Variants in EPHA3 observed in about 807,000 individuals in gnomAD.
EPHA3 encodes ephrin type-A receptor 3.
In EPHA3, 42 loss-of-function variants were observed where a neutral mutation model predicts 107.1. That is an observed-to-expected ratio of 0.39 (90% CI 0.31 to 0.51). The LOEUF (loss-of-function observed/expected upper bound fraction) is 0.51. Among genes scored for constraint, EPHA3 ranks in the 20% least tolerant of loss-of-function variants. EPHA3 has a pLI of 0.78. For synonymous variants in EPHA3, 461 were observed against 424.8 expected (o/e 1.09, Z -1.05); for missense variants, 1,183 against 1,211.2 (o/e 0.98, Z 0.35).
chr3:89,159,996 A>G (rs1704894585), intron 2 of EPHA3, among the ~76,000 whole-genome samples: 1 of 151,990 alleles, frequency 6.6e-6, no homozygotes, highest in Non-Finnish European at 1.5e-5. Flanking sequence ...CTTCAAAAAT[A>G]AAAGAAAAAT....
At chr3:89,123,412 G>A (rs1002285455) in intron 1 of EPHA3, among the ~76,000 whole-genome samples, 2 of 151,956 alleles carry the variant, frequency 1.3e-5, no homozygotes, top group African/African-American at 4.8e-5. Context: ...CAAAGTGCTG[G>A]GATTACAGGC....
chr3:89,281,887 C>A (rs544552774), intron 3 of EPHA3, among the ~76,000 whole-genome samples: 1 of 152,254 alleles, frequency 6.6e-6, no homozygotes, highest in South Asian at 2.1e-4. Flanking sequence ...AATCATTGTA[C>A]ATATGTGTTA....
Position 89,210,350 on chromosome 3 carries a change from C to A in EPHA3, c.644C>A (p.Thr215Lys). ...AAGAATCTGGCTATGTTTCCAGACA[C>A]GGTACCCATGGACTCCCAGTCCCTG... is the stretch of plus-strand genomic sequence containing the variant. ...TVKNLAMFPD[T>K]VPMDSQSLVE... is the part of the protein sequence containing the mutation. The change falls in exon 3 of 17, where the codon ACG becomes AAG. Residue 215 changes from threonine to lysine, a missense_variant. Thr to Lys is a moderately conservative substitution (Grantham distance 78). Transcript: ENST00000336596. 6.2e-7 allele frequency: 1 copy of A among 1,613,548 alleles called. No homozygotes were observed. The highest frequency in any genetic ancestry group is 8.5e-7 in the Non-Finnish European group (1 of 1,179,774).
At chr3:89,385,012 A>AT (rs200228198) in intron 5 of EPHA3, among the ~76,000 whole-genome samples, 2,428 of 152,316 alleles carry the variant, frequency 0.016, 67 homozygotes, top group African/African-American at 0.055. Flanking sequence ...TCCAAGGATC[A>AT]TTTTTCTAAA....
intron 6 of EPHA3, among the ~76,000 whole-genome samples, chr3:89,396,974 T>C (rs1414755110): frequency 6.6e-6 from 1 of 152,212 alleles, no homozygotes; most frequent in African/African-American, 2.4e-5. Flanking sequence ...TTTTGAATTG[T>C]GGCAGCCGTG....
At chr3:89,108,797 A>T (rs1472630490) in intron 1 of EPHA3, among the ~76,000 whole-genome samples, 2 of 152,182 alleles carry the variant, frequency 1.3e-5, no homozygotes, top group Non-Finnish European at 2.9e-5. Flanking sequence ...CTAACTCGTA[A>T]AACAAACTTC....
rs1474127523 is a variant in EPHA3 at position 89,477,120 on chromosome 3, G to A, written c.2847-2277G>A. On this transcript the variant is annotated intron_variant, in intron 16 of 16. Coordinates refer to ENST00000336596, the MANE Select transcript of EPHA3 (RefSeq NM_005233.6). ...GAAATGTTTATTCTTTGTTTTAAAG[G>A]TAGATTCATGGTATGTTTATCAAAA... is the stretch of plus-strand genomic sequence containing the variant. Among the ~76,000 whole-genome samples, 8 of 152,222 alleles carry A rather than the reference G, an allele frequency of 5.3e-5. No individual in the cohort carries two copies. The South Asian group carries it at 6.2e-4, about 12-fold the overall frequency.
intron 2 of EPHA3, among the ~76,000 whole-genome samples, chr3:89,186,963 T>C (rs1286683131): frequency 1.3e-5 from 2 of 152,096 alleles, no homozygotes; most frequent in Non-Finnish European, 2.9e-5. Flanking sequence ...CCATGCAAAA[T>C]GATGACTGCT....
chr3:89,195,732 A>G (rs969229044), intron 2 of EPHA3, among the ~76,000 whole-genome samples: 1 of 152,082 alleles, frequency 6.6e-6, no homozygotes, highest in African/African-American at 2.4e-5. Flanking sequence ...ACAAGTCCTC[A>G]TTACCTGTCC....
chr3:89,278,445 G>A (rs1388359600), intron 3 of EPHA3, among the ~76,000 whole-genome samples: 1 of 152,042 alleles, frequency 6.6e-6, no homozygotes, highest in Admixed American at 6.6e-5. Flanking sequence ...TGCAACACAG[G>A]GCTCCCTTTG....
chr3:89,268,218 G>T (rs1367912360), intron 3 of EPHA3, among the ~76,000 whole-genome samples: 2 of 152,014 alleles, frequency 1.3e-5, no homozygotes, highest in African/African-American at 4.8e-5. Flanking sequence ...AGTAGCACAG[G>T]GTGGTGTTTG....
chr3:89,215,946 T>C (rs1483629806), intron 3 of EPHA3, among the ~76,000 whole-genome samples: 1 of 151,924 alleles, frequency 6.6e-6, no homozygotes. Context: ...CAGGCATTCC[T>C]TATCAAATGG....
chr3:89,416,250 G>A lies in EPHA3; in HGVS notation c.1889-2955G>A, dbSNP rs984062311. 1.1e-3 allele frequency among the ~76,000 whole-genome samples: 161 copies of A among 151,342 alleles called. 1 individual carries two copies. Among genetic ancestry groups the A allele is most frequent in the African/African-American group, 3.7e-3 (153 of 41,420 alleles). ...CTTATAAATATACCTATTTCAAAGA[G>A]CAAATAAAATTGCCGCACTTATTAG... On this transcript the variant is annotated intron_variant, in intron 10 of 16. Transcript: ENST00000336596.
chr3:89,458,648 G>A (rs1710150304), intron 15 of EPHA3, among the ~76,000 whole-genome samples: 1 of 152,142 alleles, frequency 6.6e-6, no homozygotes, highest in South Asian at 2.1e-4. Flanking sequence ...CAGTGTAAAA[G>A]CATTCCTATT....
At chr3:89,262,963 C>CTTTTTTTTTTTTTT (rs532365863) in intron 3 of EPHA3, among the ~76,000 whole-genome samples, 1 of 97,486 alleles carries the variant, frequency 1.0e-5, no homozygotes, top group Non-Finnish European at 2.1e-5. Flanking sequence ...TTACAGCGCT[C>CTTTTTTTTTTTTTT]TTTTTTTTTT....
In EPHA3 at chr3:89,472,522, G is replaced by A; in HGVS notation, c.2749G>A (p.Gly917Ser). The A allele has an allele frequency of 6.2e-7, 1 of 1,614,042 alleles. No individual in the cohort carries two copies. Among genetic ancestry groups the A allele is most frequent in the Non-Finnish European group, 8.5e-7 (1 of 1,179,978 alleles). The change falls in exon 16 of 17, where the codon GGT (glycine) becomes AGT (serine). Residue 917 changes from glycine (G) to serine (S), a missense_variant. Gly to Ser is a moderately conservative substitution (Grantham distance 56). Transcript: ENST00000336596. Reference sequence around the variant, plus strand: ...GGATATCACTACCTTCCGCACAACAGGTGACTGGCTTAATGGTGTCTGGAC... The same window carrying A: ...GGATATCACTACCTTCCGCACAACAAGTGACTGGCTTAATGGTGTCTGGAC... ...NVDITTFRTTGDWLNGVWTAH... is the reference protein window; with the variant it reads ...NVDITTFRTTSDWLNGVWTAH...
chr3:89,417,597 T>G (rs1576367811), intron 10 of EPHA3, among the ~76,000 whole-genome samples: 2 of 151,532 alleles, frequency 1.3e-5, no homozygotes, highest in East Asian at 3.9e-4. Flanking sequence ...CTCTTTCTCC[T>G]AATATTCTCA....
intron 7 of EPHA3, among the ~76,000 whole-genome samples, chr3:89,403,393 T>C (rs1709001050): frequency 1.3e-5 from 2 of 152,134 alleles, no homozygotes; most frequent in African/African-American, 4.8e-5. Context: ...AAGATACAGA[T>C]TTTGTGTGTT....
intron 3 of EPHA3, among the ~76,000 whole-genome samples, chr3:89,241,014 T>TA (rs993716409): frequency 6.6e-6 from 1 of 151,690 alleles, no homozygotes; most frequent in Non-Finnish European, 1.5e-5. Flanking sequence ...ATTTATCTTT[T>TA]AAAAAAATTT....
Sources: allele counts gnomAD v4.1 joint callset (sites outside exome capture counted in the v4.1 genomes callset), GRCh38; gene constraint gnomAD v4.1.1; transcripts MANE v1.5; gene names NCBI Gene and HGNC (gene_info 2026-07-23, HGNC 2026-07-21).